Variants in PWWP2A observed in about 807,000 individuals in gnomAD.
PWWP2A encodes PWWP domain-containing protein 2A.
In PWWP2A, 18 loss-of-function variants were observed where a neutral mutation model predicts 48.5. That is an observed-to-expected ratio of 0.37 (90% CI 0.26 to 0.55). The LOEUF (loss-of-function observed/expected upper bound fraction) is 0.55. PWWP2A is among the 20% of genes least tolerant of loss of function. The pLI is 0.81. For synonymous variants in PWWP2A, 396 were observed against 387.7 expected (o/e 1.02, Z -0.25); for missense variants, 867 against 976.4 (o/e 0.89, Z 1.49).
chr5:160,051,964 C>T, the PWWP2A span, among the ~76,000 whole-genome samples: 1 of 152,198 alleles, frequency 6.6e-6, no homozygotes, highest in Admixed American at 6.5e-5. Flanking sequence ...ATAAATTGAG[C>T]CTGTCTGGCA....
chr5:160,093,525 GTTTTTCCCATCCACTTTATGGT>G lies in PWWP2A; in HGVS notation c.1103_1124del (p.Asp368AlafsTer24). The G allele has an allele frequency of 6.2e-7, 1 of 1,613,784 alleles. No individual in the cohort carries two copies. Among genetic ancestry groups the G allele is most frequent in the Non-Finnish European group, 8.5e-7 (1 of 1,179,830 alleles). On this transcript the variant is annotated frameshift_variant, in exon 2 of 2. Transcript: ENST00000307063. LOFTEE classifies it high-confidence loss of function. The surrounding 1 kb of genome is among the most constrained non-coding windows in gnomAD (Gnocchi z 5.8). ...CATTTCTTTTCTGGCTTTCATTTTG[GTTTTTCCCATCCACTTTATGGT>G]CAGTTTTCAGTTTTTTGTTCACAGT...
chr5:160,114,004 G>C (rs1324169822), intron 1 of PWWP2A, among the ~76,000 whole-genome samples: 2 of 152,020 alleles, frequency 1.3e-5, no homozygotes, highest in African/African-American at 4.8e-5. Context: ...ACATTACCAA[G>C]GTTATAAAAA....
chr5:160,046,275 C>T, the PWWP2A span, among the ~76,000 whole-genome samples: 1 of 152,280 alleles, frequency 6.6e-6, no homozygotes, highest in South Asian at 2.1e-4. Context: ...TTAGTCGTTG[C>T]TTCTCTAGCC....
Position 160,092,120 on chromosome 5 carries a change from T to C in PWWP2A, c.*262A>G. ...AAAAATTCAATTTCAGTTGAGGCTA[T>C]GGCTCCTATGCCTTGGGATGGTTTC... On this transcript the variant is annotated 3_prime_UTR_variant, in exon 2 of 2. Transcript: ENST00000307063. 1 of 1,179,778 alleles carries C rather than the reference T, an allele frequency of 8.5e-7. No homozygotes were observed. Among genetic ancestry groups the C allele is most frequent in the Non-Finnish European group, 1.0e-6 (1 of 952,602 alleles). 73.1% of individuals were successfully genotyped at this position (1,179,778 alleles called of 1,614,324 possible).
At position 160,092,013 on chromosome 5, in the gene PWWP2A, G is replaced by GATGGATATATATATATATAT. The variant is rs1554101247; in HGVS notation, c.*368_*369insATATATATATATATATCCAT. ...ATATGTGTGTATATATACATACACG[G>GATGGATATATATATATATAT]ATATATATATATACACACACACACA... is the stretch of plus-strand genomic sequence containing the variant. On this transcript the variant is annotated 3_prime_UTR_variant, in exon 2 of 2. Coordinates refer to ENST00000307063, the MANE Select transcript of PWWP2A (RefSeq NM_001130864.2). 1 of 310,614 alleles carries GATGGATATATATATATATAT rather than the reference G, an allele frequency of 3.2e-6. No homozygotes were observed. The highest frequency in any genetic ancestry group is 8.1e-5 in the Admixed American group (1 of 12,422). The allele number at this position is 310,614 out of a possible 1,614,324, so 19.2% of individuals were successfully genotyped here.
chr5:160,081,629 A>G (rs1328514922), intron 2 of PWWP2A, among the ~76,000 whole-genome samples: 2 of 152,148 alleles, frequency 1.3e-5, no homozygotes, highest in Non-Finnish European at 2.9e-5. Context: ...ACCATTCAGG[A>G]CCTAAATTTA....
At chr5:160,061,403 A>T (rs149490698), downstream of PWWP2A, among the ~76,000 whole-genome samples, 2 of 152,280 alleles carry the variant, frequency 1.3e-5, no homozygotes, top group African/African-American at 4.8e-5. Flanking sequence ...TTTTGTGTGT[A>T]TGTCTTTTCT....
chr5:160,118,178 C>T (rs994305220), intron 1 of PWWP2A, among the ~76,000 whole-genome samples: 1 of 152,280 alleles, frequency 6.6e-6, no homozygotes, highest in East Asian at 1.9e-4. Context: ...CTTCTTTAAA[C>T]TTTTCTTAAA....
chr5:160,067,908 C>T (rs1581139081), intron 2 of PWWP2A, among the ~76,000 whole-genome samples: 1 of 152,210 alleles, frequency 6.6e-6, no homozygotes, highest in Non-Finnish European at 1.5e-5. Context: ...TGGCCAGGCA[C>T]CGTGGCTCAC....
At chr5:160,101,806 T>TA (rs34950891) in intron 1 of PWWP2A, among the ~76,000 whole-genome samples, 6,482 of 132,390 alleles carry the variant, frequency 0.049, 176 homozygotes, top group Non-Finnish European at 0.073. Flanking sequence ...AACCAACTAT[T>TA]AAAAAAAAAA....
chr5:160,046,454 C>T, the PWWP2A span, among the ~76,000 whole-genome samples: 1 of 152,236 alleles, frequency 6.6e-6, no homozygotes, highest in East Asian at 1.9e-4. Context: ...TTTTGGAAGT[C>T]TCTAGATCTT....
Position 160,101,349 on chromosome 5 carries a change from C to CA in PWWP2A, c.585-7285dup, listed in dbSNP as rs202098508. On this transcript the variant is annotated intron_variant, in intron 1 of 1. Coordinates refer to ENST00000307063, the MANE Select transcript of PWWP2A (RefSeq NM_001130864.2). Reference sequence around the variant, plus strand: ...AGGGTGATAGAGTGAGACTCTGTCTCAAAAAAAAAGGAAATCATGGCACAT... The same window carrying CA: ...AGGGTGATAGAGTGAGACTCTGTCTCAAAAAAAAAAGGAAATCATGGCACAT... Among the ~76,000 whole-genome samples the CA allele has an allele frequency of 9.9e-4, 147 of 148,734 alleles. 2 individuals are homozygous for CA. Among genetic ancestry groups the CA allele is most frequent in the African/African-American group, 3.0e-3 (123 of 40,532 alleles).
chr5:160,109,126 G>A (rs1757186389), intron 1 of PWWP2A, among the ~76,000 whole-genome samples: 1 of 152,068 alleles, frequency 6.6e-6, no homozygotes, highest in Admixed American at 6.6e-5. Flanking sequence ...TGGGATTACA[G>A]GTGCACACCA....
At position 160,097,401 on chromosome 5, in the gene PWWP2A, C is replaced by A. The variant is rs1230593059; in HGVS notation, c.585-3336G>T. Among the ~76,000 whole-genome samples, 3 of 137,672 alleles carry A rather than the reference C, an allele frequency of 2.2e-5. No individual in the cohort carries two copies. The Admixed American group carries it at 2.2e-4, about 10-fold the overall frequency. 90.3% of individuals were successfully genotyped at this position (137,672 alleles called of 152,430 possible). ...GTGGCTCACGCCTGTAATCCCAACA[C>A]TTTGGGAGGCCTGAGGTCAGGAGTT... On this transcript the variant is annotated intron_variant, in intron 1 of 1. Transcript: ENST00000307063.
chr5:160,112,578 C>G (rs76730248), intron 1 of PWWP2A, among the ~76,000 whole-genome samples: 1 of 152,090 alleles, frequency 6.6e-6, no homozygotes, highest in East Asian at 1.9e-4. Context: ...TAACCAGATA[C>G]TAAAAATATC....
intron 4 of PWWP2A, among the ~76,000 whole-genome samples, chr5:160,066,296 A>ATTTTTT (rs59262456): frequency 4.2e-5 from 4 of 94,752 alleles, no homozygotes; most frequent in East Asian, 6.3e-4. Context: ...AGTGGTTCTC[A>ATTTTTT]TTTTTTTTTT....
intron 2 of PWWP2A, among the ~76,000 whole-genome samples, chr5:160,081,382 G>A (rs1439498754): frequency 6.6e-6 from 1 of 151,780 alleles, no homozygotes; most frequent in African/African-American, 2.4e-5. Flanking sequence ...AGGATTACAG[G>A]CGCCCGCCAC....
the PWWP2A span, among the ~76,000 whole-genome samples, chr5:160,045,153 GAA>G: frequency 6.6e-6 from 1 of 152,158 alleles, no homozygotes; most frequent in South Asian, 2.1e-4. Context: ...ACCAAATGGT[GAA>G]AAAATGCCTT....
Position 160,093,545 on chromosome 5 carries a change from G to T in PWWP2A, c.1105C>A (p.His369Asn). Residue 369 changes from histidine to asparagine, a missense_variant, in exon 2 of 2, where the codon CAT becomes AAT. Transcript: ENST00000307063. The surrounding 1 kb of genome is among the most constrained non-coding windows in gnomAD (Gnocchi z 5.8). ...TTTTGGTTTTTCCCATCCACTTTAT[G>T]GTCAGTTTTCAGTTTTTTGTTCACA... ...TTVNKKLKTD[H>N]KVDGKNQNES... 6.2e-7 allele frequency: 1 copy of T among 1,613,466 alleles called. No homozygotes were observed. The highest frequency in any genetic ancestry group is 1.1e-5 in the South Asian group (1 of 91,004).
Sources: allele counts gnomAD v4.1 joint callset (sites outside exome capture counted in the v4.1 genomes callset), GRCh38; gene constraint gnomAD v4.1.1; non-coding constraint Gnocchi (gnomAD v3.1); transcripts MANE v1.5; gene names NCBI Gene and HGNC (gene_info 2026-07-23, HGNC 2026-07-21).